The following TVP23B variants were observed in gnomAD, a reference collection of about 807,000 sequenced individuals.
The protein encoded by TVP23B is Golgi apparatus membrane protein TVP23 homolog B.
TVP23B carries 10 observed loss-of-function variants against 30.6 expected under a neutral mutation model. That is an observed-to-expected ratio of 0.33 (90% CI 0.20 to 0.55). The LOEUF is 0.55. Among genes scored for constraint, TVP23B ranks in the 20% least tolerant of loss-of-function variants. The pLI, the probability that TVP23B is intolerant of heterozygous loss-of-function variation, is 0.91. For missense variants in TVP23B, 153 were observed against 243.2 expected (o/e 0.63, Z 2.47); for synonymous variants, 67 against 83.1 (o/e 0.81, Z 1.06).
intron 6 of TVP23B, chr17:18,804,511 A>G: frequency 1.6e-6 from 2 of 1,272,804 alleles, no homozygotes. Flanking sequence ...ATTTTTTAAA[A>G]ATTACTTTTA....
intron 2 of TVP23B, among the ~76,000 whole-genome samples, chr17:18,790,080 A>G (rs901361568): frequency 9.2e-5 from 14 of 151,782 alleles, no homozygotes; most frequent in African/African-American, 3.4e-4. Context: ...TGGTTGTACA[A>G]ATCTGTGAAT....
At position 18,805,924 on chromosome 17, in the gene TVP23B, A is replaced by C; in HGVS notation, c.*357A>C. ...CTTTGCATTTTGATCCATAGAACAT[A>C]GGAGGATGTTCTTAGTCTGTCTCAA... On this transcript the variant is annotated 3_prime_UTR_variant, in exon 7 of 7. Transcript: ENST00000307767. 9.9e-7 allele frequency: 1 copy of C among 1,013,016 alleles called. No individual in the cohort carries two copies. Among genetic ancestry groups the C allele is most frequent in the Non-Finnish European group, 1.2e-6 (1 of 840,916 alleles). 62.8% of individuals were successfully genotyped at this position (1,013,016 alleles called of 1,614,324 possible). A position where few individuals can be genotyped will look rare whatever the true frequency, so the allele number is the denominator to read the frequency against.
Position 18,790,775 on chromosome 17 carries a change from A to C in TVP23B, c.96-121A>C, listed in dbSNP as rs1315690895. The C allele has an allele frequency of 2.0e-6, 3 of 1,484,322 alleles. No individual in the cohort carries two copies. In the East Asian group the frequency reaches 6.8e-5, roughly 34 times the overall value. 91.9% of individuals were successfully genotyped at this position (1,484,322 alleles called of 1,614,324 possible). A position where few individuals can be genotyped will look rare whatever the true frequency, so the allele number is the denominator to read the frequency against. On this transcript the variant is annotated intron_variant, in intron 2 of 6. Transcript: ENST00000307767. ...AGGTTTGCTTCATCCTACTAAAGTC[A>C]CCTCTTTTATTTTGACAAAACTCTT...
intron 1 of TVP23B, among the ~76,000 whole-genome samples, chr17:18,786,743 T>G (rs1162145194): frequency 6.6e-6 from 1 of 152,118 alleles, no homozygotes. Flanking sequence ...TTTTACCTTT[T>G]CAGCCTTAGC....
chr17:18,789,202 C>T, intron 1 of TVP23B, 151 bp from the exon 2 acceptor site: 1 of 1,220,168 alleles, frequency 8.2e-7, no homozygotes, highest in Non-Finnish European at 1.1e-6. Context: ...GGTGGAGGAT[C>T]TGCATGTGTC....
chr17:18,791,696 G>C (rs1391309386), intron 3 of TVP23B, among the ~76,000 whole-genome samples: 2 of 152,024 alleles, frequency 1.3e-5, no homozygotes. Context: ...CAAAATGTCA[G>C]TTGTGCCAAG....
chr17:18,790,339 C>T (rs530844142), intron 2 of TVP23B, among the ~76,000 whole-genome samples: 2 of 151,646 alleles, frequency 1.3e-5, no homozygotes, highest in Non-Finnish European at 2.9e-5. Flanking sequence ...TGGCAGGCGC[C>T]TGTAGTCCCA....
intron 3 of TVP23B, 147 bp downstream of exon 3, chr17:18,791,187 G>GTTTTTTTTTTTTTTTTTTTTTTT (rs762889436): frequency 1.8e-5 from 2 of 109,174 alleles, no homozygotes. Context: ...ATTGCATGTA[G>GTTTTTTTTTTTTTTTTTTTTTTT]TTTTTTTTTT....
chr17:18,788,655 G>A (rs71185812), intron 1 of TVP23B, among the ~76,000 whole-genome samples: 33,169 of 150,902 alleles, frequency 0.22, 4,124 homozygotes, highest in East Asian at 0.55. Context: ...GGTGGCACAC[G>A]CCTGTAATCC....
chr17:18,794,287 T>C (rs1000768770), intron 3 of TVP23B, among the ~76,000 whole-genome samples: 6 of 152,214 alleles, frequency 3.9e-5, no homozygotes, highest in Non-Finnish European at 7.3e-5. Flanking sequence ...AAAAATTGAC[T>C]AAATATCACT....
rs2036082935 is a variant in TVP23B, at chr17:18,796,783, A to T, written c.241-796A>T. The T allele has an allele frequency of 2.0e-5, 3 of 152,356 alleles. No individual in the cohort carries two copies. In the South Asian group the frequency reaches 6.2e-4, roughly 32 times the overall value. 9.4% of individuals were successfully genotyped at this position (152,356 alleles called of 1,614,324 possible). A position where few individuals can be genotyped will look rare whatever the true frequency, so the allele number is the denominator to read the frequency against. On this transcript the variant is annotated intron_variant, in intron 3 of 6. Transcript: ENST00000307767. The stretch of plus-strand genomic sequence containing the variant: ...TTAACCCATCGAGGTTCACAGAACC[A>T]CTGAATCTATTAGTGGACACCATTA...
intron 1 of TVP23B, among the ~76,000 whole-genome samples, chr17:18,787,113 G>T (rs2035919115): frequency 6.6e-6 from 1 of 151,884 alleles, no homozygotes; most frequent in African/African-American, 2.4e-5. Context: ...AGACAGTCTT[G>T]GTTGGGCGTG....
intron 1 of TVP23B, among the ~76,000 whole-genome samples, chr17:18,783,550 A>G (rs1487803751): frequency 6.6e-6 from 1 of 152,168 alleles, no homozygotes; most frequent in Admixed American, 6.5e-5. Flanking sequence ...TTCTTCTCTT[A>G]TCCTCTCTCA....
chr17:18,781,350 T>A lies in TVP23B; in HGVS notation c.12+45T>A, dbSNP rs1238718852. 4.5e-6 allele frequency: 7 copies of A among 1,564,532 alleles called. 1 individual carries two copies. The South Asian group carries it at 8.2e-5, about 18-fold the overall frequency. ...CTGGGAGGGTGGCGGCTCCTGGGAC[T>A]GGCTCTGCAGGTTCCGTGGGACTGG... is the stretch of plus-strand genomic sequence containing the variant. On this transcript the variant is annotated intron_variant, in intron 1 of 6. Coordinates refer to ENST00000307767, the MANE Select transcript of TVP23B (RefSeq NM_016078.6).
rs372868254 is a variant in TVP23B, at chr17:18,790,930, C to T, written c.130C>T (p.Arg44Ter). 3.0e-5 allele frequency: 48 copies of T among 1,611,216 alleles called. No individual in the cohort carries two copies. The highest frequency in any genetic ancestry group is 1.7e-5 in the Admixed American group (1 of 59,196). ...PVASFFHLFF[R>*]VSAIIVYLLC... The stretch of plus-strand genomic sequence containing the variant: ...AGCATCGTTTTTCCACTTATTCTTT[C>T]GAGTCAGTGCAATCATCGTCTATCT... Residue 44 changes from arginine to a stop codon, truncating the protein, a stop_gained, in exon 3 of 7, where the codon CGA becomes TGA. Transcript: ENST00000307767. LOFTEE classifies it high-confidence loss of function.
At chr17:18,789,307 A>G in intron 1 of TVP23B, 46 bp from the exon 2 acceptor site, 6 of 1,613,458 alleles carry the variant, frequency 3.7e-6, no homozygotes, top group Non-Finnish European at 5.1e-6. Flanking sequence ...GGCTGTGTAA[A>G]CACTGAATTT....
chr17:18,799,645 T>C (rs1452885178), intron 5 of TVP23B, among the ~76,000 whole-genome samples: 1 of 152,190 alleles, frequency 6.6e-6, no homozygotes, highest in African/African-American at 2.4e-5. Flanking sequence ...GGAGATATTG[T>C]TGCTGCTGTC....
intron 1 of TVP23B, among the ~76,000 whole-genome samples, chr17:18,786,665 T>C (rs1465067257): frequency 6.6e-6 from 1 of 152,192 alleles, no homozygotes; most frequent in African/African-American, 2.4e-5. Flanking sequence ...TGTTTGTTTG[T>C]TTTTTAAGAA....
chr17:18,782,356 A>G (rs1040769278), intron 1 of TVP23B: 3 of 151,366 alleles, frequency 2.0e-5, no homozygotes, highest in African/African-American at 7.3e-5. Flanking sequence ...AAATACAAAA[A>G]TTAGTTGGGC....
Sources: allele counts gnomAD v4.1 joint callset (sites outside exome capture counted in the v4.1 genomes callset), GRCh38; gene constraint gnomAD v4.1.1; transcripts MANE v1.5; gene names NCBI Gene and HGNC (gene_info 2026-07-23, HGNC 2026-07-21).